SLC12A3: variants seen among roughly 807,000 people sequenced by gnomAD.
SLC12A3 encodes solute carrier family 12 member 3, also known as Na-Cl cotransporter.
SLC12A3 carries 104 observed loss-of-function variants against 121.0 expected under a neutral mutation model. The observed-to-expected ratio is 0.86, with a 90% CI of 0.73 to 1.01. SLC12A3 has a LOEUF of 1.01. Among genes scored for constraint, SLC12A3 ranks in the 50% least tolerant of loss-of-function variants. The probability of loss-of-function intolerance (pLI) is 0.00; values close to 1 mark genes in which losing one functional copy is unlikely to be tolerated. For synonymous variants in SLC12A3, 536 were observed against 533.4 expected (o/e 1.00, Z -0.07); for missense variants, 1,328 against 1,356.3 (o/e 0.98, Z 0.33).
At chr16:56,876,996 G>C (rs1293342578) in intron 8 of SLC12A3, among the ~76,000 whole-genome samples, 1 of 152,212 alleles carries the variant, frequency 6.6e-6, no homozygotes, top group Non-Finnish European at 1.5e-5. Flanking sequence ...CCCACCAGCT[G>C]AGCAGGGGTG....
rs771944220 is a variant in SLC12A3, at chr16:56,894,601, C to T, written c.2592C>T (p.Phe864=). 1.2e-5 allele frequency: 20 copies of T among 1,613,970 alleles called. No individual in the cohort carries two copies. The highest frequency in any genetic ancestry group is 1.7e-5 in the Admixed American group (1 of 59,990). Residue 864 remains phenylalanine (F), a synonymous_variant, in exon 22 of 26, where the codon TTC becomes TTT. Coordinates refer to ENST00000563236, the MANE Select transcript of SLC12A3 (RefSeq NM_001126108.2). ...RRWSKCKIRV[F]VGGQINRMDQ... ...GGAGCAAATGCAAGATCCGTGTGTT[C>T]GTAGGCGGCCAGATTAACAGGATGG...
At chr16:56,891,263 T>G (rs1360890135) in intron 19 of SLC12A3, among the ~76,000 whole-genome samples, 2 of 150,336 alleles carry the variant, frequency 1.3e-5, no homozygotes, top group African/African-American at 4.9e-5. Context: ...TCTCAGCTAC[T>G]TGGGAAGCTG....
intron 25 of SLC12A3, 138 bp downstream of exon 25, chr16:56,904,600 A>C (rs1256944901): frequency 2.4e-6 from 2 of 816,578 alleles, no homozygotes; most frequent in Non-Finnish European, 4.1e-6. Context: ...TCCCATAAAC[A>C]TAGCCCTGGC....
At chr16:56,869,125 C>A (rs1385832362) in intron 3 of SLC12A3, among the ~76,000 whole-genome samples, 1 of 152,194 alleles carries the variant, frequency 6.6e-6, no homozygotes, top group African/African-American at 2.4e-5. Flanking sequence ...ATAACAGAAC[C>A]TACCTCATGG....
At chr16:56,901,351 T>TC (rs2055536447) in intron 23 of SLC12A3, among the ~76,000 whole-genome samples, 1 of 148,736 alleles carries the variant, frequency 6.7e-6, no homozygotes, top group African/African-American at 2.5e-5. Context: ...CTCTCTCTTT[T>TC]TTTTTTTTGA....
chr16:56,884,244 AG>A (rs2055281148), intron 14 of SLC12A3, 40 bp downstream of exon 14: 1 of 1,610,534 alleles, frequency 6.2e-7, no homozygotes, highest in African/African-American at 1.3e-5. Context: ...CTCCTCCCCC[AG>A]GGTAGCCATG....
intron 2 of SLC12A3, 53 bp from the exon 3 acceptor site, chr16:56,868,244 G>A (rs147840956): frequency 1.8e-4 from 277 of 1,566,972 alleles, no homozygotes; most frequent in Non-Finnish European, 2.3e-4. Context: ...GGGACTTGTC[G>A]TTTGGCCTTG....
In SLC12A3 at chr16:56,879,666, G is replaced by T; in HGVS notation, c.1443+17G>T. The T allele has an allele frequency of 6.3e-7, 1 of 1,589,254 alleles. No individual in the cohort carries two copies. Among genetic ancestry groups the T allele is most frequent in the Non-Finnish European group, 8.6e-7 (1 of 1,160,062 alleles). On this transcript the variant is annotated intron_variant, in intron 11 of 25. Transcript: ENST00000563236. Reference sequence around the variant, plus strand: ...GTCTTCCAGGTGAGGCCGCAGAAAGGGGTCGAGATGACAGGGGGTGGGGAG... The same window carrying T: ...GTCTTCCAGGTGAGGCCGCAGAAAGTGGTCGAGATGACAGGGGGTGGGGAG...
At position 56,889,695 on chromosome 16, in the gene SLC12A3, G is replaced by A. The variant is rs909257701; in HGVS notation, c.2286-579G>A. 9.9e-5 allele frequency among the ~76,000 whole-genome samples: 15 copies of A among 152,218 alleles called. No homozygotes were observed. The East Asian group carries it at 1.9e-3, about 20-fold the overall frequency. ...TTGCCATGTTGGCCAGGCTGGTCTC[G>A]AACTCCTGACCTCAGGTGATCCGCC... On this transcript the variant is annotated intron_variant, in intron 18 of 25. Coordinates refer to ENST00000563236, the MANE Select transcript of SLC12A3 (RefSeq NM_001126108.2).
chr16:56,904,111 C>A (rs1472314793), intron 24 of SLC12A3, among the ~76,000 whole-genome samples: 1 of 152,156 alleles, frequency 6.6e-6, no homozygotes, highest in African/African-American at 2.4e-5. Flanking sequence ...GAGATCTGAA[C>A]CTAGTAAGGT....
At chr16:56,866,059 C>T (rs1400111131) in intron 1 of SLC12A3, among the ~76,000 whole-genome samples, 4 of 149,126 alleles carry the variant, frequency 2.7e-5, no homozygotes, top group Admixed American at 6.7e-5. Context: ...GATCTCGGCT[C>T]ACTGCAACCT....
At chr16:56,886,122 G>T (rs775855046) in intron 15 of SLC12A3, among the ~76,000 whole-genome samples, 6 of 152,188 alleles carry the variant, frequency 3.9e-5, no homozygotes, top group African/African-American at 7.2e-5. Context: ...GGACATGCAT[G>T]GGGGGTAGCA....
intron 13 of SLC12A3, among the ~76,000 whole-genome samples, 192 bp from the exon 14 acceptor site, chr16:56,883,857 G>T (rs1444836002): frequency 6.6e-6 from 1 of 152,242 alleles, no homozygotes; most frequent in Non-Finnish European, 1.5e-5. Context: ...GCCAAAGCAG[G>T]CGTGTGATTT....
rs781342495 is a variant in SLC12A3, at chr16:56,879,154, G to A, written c.1262G>A (p.Cys421Tyr). 5.0e-6 allele frequency: 8 copies of A among 1,613,806 alleles called. No homozygotes were observed. The highest frequency in any genetic ancestry group is 6.8e-6 in the Non-Finnish European group (8 of 1,180,008). The change falls in exon 10 of 26, where the codon TGC (cysteine) becomes TAC (tyrosine). Residue 421 changes from cysteine (C) to tyrosine (Y), a missense_variant. Cys to Tyr is a radical substitution (Grantham distance 194). Coordinates refer to ENST00000563236, the MANE Select transcript of SLC12A3 (RefSeq NM_001126108.2). ...TGGGGTGCCTGCGAGGGGCTGGCCTGCAGCTATGGCTGGAACTTCACCGAG... is the reference window on the plus strand; with the variant it reads ...TGGGGTGCCTGCGAGGGGCTGGCCTACAGCTATGGCTGGAACTTCACCGAG... Reference protein sequence around the residue: ...PGWGACEGLACSYGWNFTECT... With the variant: ...PGWGACEGLAYSYGWNFTECT...
At chr16:56,887,135 G>A (rs1404993484) in intron 17 of SLC12A3, 42 bp downstream of exon 17, 1 of 1,613,218 alleles carries the variant, frequency 6.2e-7, no homozygotes, top group Admixed American at 1.7e-5. Context: ...TTACGGCTTG[G>A]TGGCACAACC....
Position 56,888,146 on chromosome 16 carries a change from G to A in SLC12A3, c.2285+115G>A, listed in dbSNP as rs921617862. The A allele has an allele frequency of 1.8e-5, 13 of 722,552 alleles. No individual in the cohort carries two copies. In the African/African-American group the frequency reaches 2.3e-4, roughly 13 times the overall value. The allele number at this position is 722,552 out of a possible 1,614,324, so 44.8% of individuals were successfully genotyped here. A position where few individuals can be genotyped will look rare whatever the true frequency, so the allele number is the denominator to read the frequency against. On this transcript the variant is annotated intron_variant, in intron 18 of 25. Coordinates refer to ENST00000563236, the MANE Select transcript of SLC12A3 (RefSeq NM_001126108.2). ...AAGTTGAGTCCTGCTGGGCAAAGTG[G>A]CTGGCATCTGTAGTCCCAGCTACTT...
chr16:56,895,337 G>A (rs760513483), intron 22 of SLC12A3, among the ~76,000 whole-genome samples: 6 of 150,446 alleles, frequency 4.0e-5, no homozygotes, highest in South Asian at 2.1e-4. Flanking sequence ...GATTAGAGGC[G>A]TGCGCTACCA....
rs763354834 is a variant in SLC12A3, at chr16:56,867,059, T to G, written c.283-11T>G. The G allele has an allele frequency of 2.0e-5, 32 of 1,611,056 alleles. No homozygotes were observed. Among genetic ancestry groups the G allele is most frequent in the Non-Finnish European group, 2.6e-5 (31 of 1,180,028 alleles). ...CCCTACCTGCCTGACTTGTGGTCTC[T>G]GGGCTGCCAGCAGGAAGGCAGACAC... On this transcript the variant is annotated splice_polypyrimidine_tract_variant and intron_variant, in intron 1 of 25. Coordinates refer to ENST00000563236, the MANE Select transcript of SLC12A3 (RefSeq NM_001126108.2).
At chr16:56,885,430 C>A in intron 15 of SLC12A3, 66 bp downstream of exon 15, 1 of 1,065,536 alleles carries the variant, frequency 9.4e-7, no homozygotes, top group South Asian at 1.3e-5. Context: ...CTGGGAGTTT[C>A]CAAGCCTAGA....
Sources: allele counts gnomAD v4.1 joint callset (sites outside exome capture counted in the v4.1 genomes callset), GRCh38; gene constraint gnomAD v4.1.1; transcripts MANE v1.5; gene names NCBI Gene and HGNC (gene_info 2026-07-23, HGNC 2026-07-21).